The following DENND4C variants were observed in gnomAD, a reference collection of about 807,000 sequenced individuals.
DENND4C encodes the protein DENN domain-containing protein 4C.
A neutral mutation model predicts 203.0 loss-of-function variants in DENND4C; 108 were observed. The ratio of observed to expected loss-of-function variants is 0.53; its 90% confidence interval spans 0.46 to 0.62. DENND4C has a LOEUF of 0.62. Among genes scored for constraint, DENND4C ranks in the 20% least tolerant of loss-of-function variants. DENND4C has a pLI of 0.00. For missense variants in DENND4C, 2,481 were observed against 2,301.2 expected, an observed-to-expected ratio of 1.08 and a Z score of -1.60; for synonymous variants, 871 against 792.4, an observed-to-expected ratio of 1.10 and a Z score of -1.67.
At chr9:19,318,156 G>A (rs201363932) in intron 12 of DENND4C, among the ~76,000 whole-genome samples, 4 of 151,638 alleles carry the variant, frequency 2.6e-5, no homozygotes, top group African/African-American at 4.8e-5. Context: ...CTGTCTCTAC[G>A]AAAAATATAA....
chr9:19,331,523 G>T (rs1175385601), intron 16 of DENND4C, among the ~76,000 whole-genome samples: 1 of 152,110 alleles, frequency 6.6e-6, no homozygotes, highest in African/African-American at 2.4e-5. Context: ...TTTTTAAGGA[G>T]TCTGTCAGTG....
At chr9:19,350,406 C>G (rs1348711335) in intron 23 of DENND4C, among the ~76,000 whole-genome samples, 3 of 152,196 alleles carry the variant, frequency 2.0e-5, no homozygotes, top group Non-Finnish European at 4.4e-5. Flanking sequence ...CCATTGGAGA[C>G]AGTGGGCTCC....
intron 10 of DENND4C, among the ~76,000 whole-genome samples, chr9:19,310,937 T>A (rs1840614050): frequency 6.6e-6 from 1 of 152,232 alleles, no homozygotes; most frequent in Non-Finnish European, 1.5e-5. Context: ...TTAAATTTGC[T>A]AAGAATTTAA....
chr9:19,307,769 CAAAAAAAA>C (rs398046460), intron 10 of DENND4C, among the ~76,000 whole-genome samples: 2,105 of 89,242 alleles, frequency 0.024, 55 homozygotes, highest in African/African-American at 0.08. Flanking sequence ...GACTCTGTCT[CAAAAAAAA>C]AAAAAAAAAG....
chr9:19,290,905 A>G, intron 5 of DENND4C, 29 bp downstream of exon 5: 1 of 1,585,750 alleles, frequency 6.3e-7, no homozygotes, highest in Non-Finnish European at 8.6e-7. Flanking sequence ...GATTAAACAC[A>G]TTTTGTCCAT....
intron 3 of DENND4C, among the ~76,000 whole-genome samples, chr9:19,287,748 T>C (rs1835481721): frequency 1.3e-5 from 2 of 152,144 alleles, no homozygotes; most frequent in South Asian, 4.2e-4. Context: ...TATTTTTTTT[T>C]TTCAGACGGA....
At chr9:19,276,556 C>T in intron 2 of DENND4C, 77 bp downstream of exon 2, 1 of 846,804 alleles carries the variant, frequency 1.2e-6, no homozygotes, top group Non-Finnish European at 1.6e-6. Flanking sequence ...AATTTGAAAT[C>T]CTTGATAGTT....
intron 30 of DENND4C, among the ~76,000 whole-genome samples, chr9:19,363,963 G>A (rs1463246909): frequency 1.3e-5 from 2 of 152,124 alleles, no homozygotes; most frequent in African/African-American, 4.8e-5. Flanking sequence ...GCAATGAGCC[G>A]AGATTGCGCC....
chr9:19,299,058 A>G (rs960458357), intron 7 of DENND4C, among the ~76,000 whole-genome samples, 171 bp from the exon 8 acceptor site: 2 of 152,178 alleles, frequency 1.3e-5, no homozygotes, highest in African/African-American at 2.4e-5. Flanking sequence ...AAATACAGCT[A>G]TCATTTTATA....
chr9:19,299,868 C>G (rs533101829), intron 8 of DENND4C, among the ~76,000 whole-genome samples: 26 of 152,282 alleles, frequency 1.7e-4, no homozygotes, highest in African/African-American at 6.3e-4. Flanking sequence ...TTGGCTATGA[C>G]AACAGCTTTT....
intron 1 of DENND4C, among the ~76,000 whole-genome samples, chr9:19,232,656 C>G (rs546686504): frequency 9.9e-5 from 15 of 152,206 alleles, no homozygotes; most frequent in Admixed American, 2.0e-4. Context: ...AAATTGGCAG[C>G]ATAGTTGGAG....
intron 31 of DENND4C, 52 bp downstream of exon 31, chr9:19,370,039 A>T (rs775033846): frequency 2.0e-5 from 32 of 1,590,860 alleles, no homozygotes; most frequent in Admixed American, 1.8e-4. Context: ...TCATGTTTTT[A>T]AAAAAATATC....
At position 19,316,802 on chromosome 9, in the gene DENND4C, T is replaced by G; in HGVS notation, c.1770T>G (p.Asn590Lys). 1 of 1,613,788 alleles carries G rather than the reference T, an allele frequency of 6.2e-7. No individual in the cohort carries two copies. Among genetic ancestry groups the G allele is most frequent in the Non-Finnish European group, 8.5e-7 (1 of 1,179,898 alleles). The change falls in exon 12 of 33, where the codon AAT becomes AAG. Residue 590 changes from asparagine to lysine, a missense_variant. By Grantham distance (94) the Asn-to-Lys change is moderately conservative. Coordinates refer to ENST00000434457, the MANE Select transcript of DENND4C (RefSeq NM_001330640.2). ...YLRPITEAPS[N>K]KATAADSLFD... ...GACCAATCACAGAGGCTCCTTCAAATAAAGCCACAGCTGCTGATTCATTGT... is the reference window on the plus strand; with the variant it reads ...GACCAATCACAGAGGCTCCTTCAAAGAAAGCCACAGCTGCTGATTCATTGT...
chr9:19,331,109 A>C (rs1340394709), intron 16 of DENND4C, among the ~76,000 whole-genome samples: 1 of 152,056 alleles, frequency 6.6e-6, no homozygotes, highest in East Asian at 1.9e-4. Flanking sequence ...TTTGATACCT[A>C]ATTTTCTCTT....
At chr9:19,242,637 C>G (rs1824047508) in intron 1 of DENND4C, among the ~76,000 whole-genome samples, 1 of 149,680 alleles carries the variant, frequency 6.7e-6, no homozygotes, top group South Asian at 2.1e-4. Flanking sequence ...GGATTGGTAT[C>G]TCATTGCTAT....
chr9:19,333,258 C>G (rs1165282650), intron 17 of DENND4C, among the ~76,000 whole-genome samples: 2 of 151,946 alleles, frequency 1.3e-5, no homozygotes, highest in African/African-American at 2.4e-5. Flanking sequence ...GTCAAGCCAT[C>G]CTTCTACTTG....
At chr9:19,341,237 T>TG in intron 21 of DENND4C, 123 bp downstream of exon 21, 1 of 720,426 alleles carries the variant, frequency 1.4e-6, no homozygotes, top group South Asian at 2.6e-5. Flanking sequence ...GCTCCTAAGA[T>TG]GCTGTGTACT....
Position 19,346,272 on chromosome 9 carries a change from G to C in DENND4C, c.3503G>C (p.Trp1168Ser). The part of the protein sequence containing the change: ...DSRTCMSEST[W>S]NPEHRSSPVP... ...AGGACTTGTATGTCTGAAAGCACTTGGAATCCTGAGCACAGATCATCTCCG... is the reference window on the plus strand; with the variant it reads ...AGGACTTGTATGTCTGAAAGCACTTCGAATCCTGAGCACAGATCATCTCCG... The change falls in exon 23 of 33, where the codon TGG becomes TCG. Residue 1168 changes from tryptophan to serine, a missense_variant. This residue lies in a region of DENND4C where 2,289 missense variants were observed against 2,113.3 expected (regional missense o/e 1.08). Transcript: ENST00000434457. The C allele has an allele frequency of 6.2e-7, 1 of 1,614,106 alleles. No individual in the cohort carries two copies. Among genetic ancestry groups the C allele is most frequent in the East Asian group, 2.2e-5 (1 of 44,884 alleles).
rs1829083375 is a variant in DENND4C, at chr9:19,372,903, T to C, written c.*730T>C. On this transcript the variant is annotated 3_prime_UTR_variant, in exon 33 of 33. Coordinates refer to ENST00000434457, the MANE Select transcript of DENND4C (RefSeq NM_001330640.2). ...AAAGAGAGCAACATATTTGTGTAAG[T>C]TTGTATATGTGTAGGGCTGTGTAGG... The C allele has an allele frequency of 6.6e-6, 1 of 151,136 alleles. No individual in the cohort carries two copies. The highest frequency in any genetic ancestry group is 1.5e-5 in the Non-Finnish European group (1 of 67,890). The allele number at this position is 151,136 out of a possible 1,614,324, so 9.4% of individuals were successfully genotyped here.
Sources: gnomAD v4.1 joint callset for allele counts (sites outside exome capture counted in the v4.1 genomes callset) on GRCh38, gnomAD v4.1.1 for gene constraint, gnomAD v4.1.1 regional missense constraint, MANE v1.5 for transcripts, NCBI Gene and HGNC (gene_info 2026-07-23, HGNC 2026-07-21) for gene names.